Variants in RANBP2 observed in about 807,000 individuals in gnomAD.
RANBP2 encodes RAN binding protein 2, also known as E3 SUMO-protein ligase RanBP2.
Under a neutral mutation model 303.6 loss-of-function variants are expected in RANBP2, and 57 were observed. That is an observed-to-expected ratio of 0.19 (90% CI 0.15 to 0.23). RANBP2 has a LOEUF of 0.23. RANBP2 is among the 10% of genes least tolerant of loss of function. The probability of loss-of-function intolerance (pLI) is 1.00; values close to 1 mark genes in which losing one functional copy is unlikely to be tolerated. For missense variants in RANBP2, 3,138 were observed against 3,780.8 expected (o/e 0.83, Z 4.46); for synonymous variants, 1,167 against 1,301.5 (o/e 0.90, Z 2.23).
the RANBP2 span, among the ~76,000 whole-genome samples, chr2:109,451,561 G>T: frequency 6.6e-6 from 1 of 152,216 alleles, no homozygotes; most frequent in Non-Finnish European, 1.5e-5. Flanking sequence ...CTACACGGAG[G>T]ATGATGCTGT....
At chr2:109,572,272 T>G in the RANBP2 span, among the ~76,000 whole-genome samples, 1 of 152,076 alleles carries the variant, frequency 6.6e-6, no homozygotes, top group African/African-American at 2.4e-5. Context: ...CCGGGACTAC[T>G]GGCGCATGCC....
At chr2:108,905,596 C>T in the RANBP2 span, among the ~76,000 whole-genome samples, 1 of 152,128 alleles carries the variant, frequency 6.6e-6, no homozygotes, top group Non-Finnish European at 1.5e-5. Flanking sequence ...GGCTCCACTC[C>T]CGCTGCCCGG....
At chr2:109,226,334 C>T in the RANBP2 span, among the ~76,000 whole-genome samples, 2 of 152,244 alleles carry the variant, frequency 1.3e-5, no homozygotes, top group African/African-American at 4.8e-5. Context: ...CCAACTGTTT[C>T]AAAGCTAAAG....
the RANBP2 span, among the ~76,000 whole-genome samples, chr2:108,982,464 T>C: frequency 6.6e-6 from 1 of 152,228 alleles, no homozygotes; most frequent in Non-Finnish European, 1.5e-5. Flanking sequence ...AGTGTCTCAG[T>C]TCTGTTTATT....
At chr2:109,519,086 T>A in the RANBP2 span, among the ~76,000 whole-genome samples, 1 of 151,802 alleles carries the variant, frequency 6.6e-6, no homozygotes, top group Admixed American at 6.6e-5. Context: ...GCCTGGCTAA[T>A]TTTTGTATTT....
chr2:109,615,359 G>C, the RANBP2 span: 1 of 1,612,828 alleles, frequency 6.2e-7, no homozygotes, highest in East Asian at 2.2e-5. Flanking sequence ...TCACCTGCGA[G>C]CCCGGCCTGC....
the RANBP2 span, among the ~76,000 whole-genome samples, chr2:109,621,931 A>AAATAAATC: frequency 6.6e-6 from 1 of 151,782 alleles, no homozygotes; most frequent in African/African-American, 2.4e-5. Context: ...ATAAATAAAT[A>AAATAAATC]AATAAATAAA....
At chr2:109,039,995 T>G in the RANBP2 span, among the ~76,000 whole-genome samples, 1 of 152,208 alleles carries the variant, frequency 6.6e-6, no homozygotes, top group Non-Finnish European at 1.5e-5. Context: ...TTGTCAGTCT[T>G]TCCTTAAGTT....
the RANBP2 span, among the ~76,000 whole-genome samples, chr2:109,434,320 C>T: frequency 2.0e-5 from 3 of 152,248 alleles, no homozygotes; most frequent in African/African-American, 4.8e-5. Flanking sequence ...CAGGTTAGAG[C>T]AGCAGCTTCT....
At chr2:109,565,433 T>TC in the RANBP2 span, among the ~76,000 whole-genome samples, 216 of 152,328 alleles carry the variant, frequency 1.4e-3, no homozygotes, top group African/African-American at 4.6e-3. Context: ...TATAAATTTA[T>TC]AAGATGGTTG....
the RANBP2 span, among the ~76,000 whole-genome samples, chr2:108,955,827 C>A: frequency 6.6e-6 from 1 of 152,158 alleles, no homozygotes; most frequent in Non-Finnish European, 1.5e-5. Context: ...GAGATTGAGA[C>A]CATCCTGGCT....
At chr2:109,621,402 C>T in the RANBP2 span, among the ~76,000 whole-genome samples, 3 of 151,984 alleles carry the variant, frequency 2.0e-5, no homozygotes, top group African/African-American at 7.3e-5. Context: ...CTGCCCACCT[C>T]GGCTTCCTAA....
chr2:109,589,052 T>C, the RANBP2 span, among the ~76,000 whole-genome samples: 2 of 152,012 alleles, frequency 1.3e-5, no homozygotes, highest in Non-Finnish European at 2.9e-5. Flanking sequence ...CACCTCAGCC[T>C]CTGGAGTAGT....
At chr2:109,615,954 A>G in the RANBP2 span, 2 of 1,591,166 alleles carry the variant, frequency 1.3e-6, no homozygotes, top group Middle Eastern at 1.7e-4. Context: ...ACCCTCTTTC[A>G]GGGACCCAGA....
chr2:109,539,195 G>A, the RANBP2 span, among the ~76,000 whole-genome samples: 1 of 152,142 alleles, frequency 6.6e-6, no homozygotes, highest in Admixed American at 6.5e-5. Flanking sequence ...CTATTCGGAA[G>A]GCTGGGGCAG....
chr2:108,887,040 TTTTA>T, the RANBP2 span, among the ~76,000 whole-genome samples: 1 of 152,098 alleles, frequency 6.6e-6, no homozygotes, highest in Non-Finnish European at 1.5e-5. Context: ...TCTAATCTAT[TTTTA>T]GTTTATTTTT....
Position 108,766,849 on chromosome 2 carries a change from G to A in RANBP2, c.6310G>A (p.Ala2104Thr), listed in dbSNP as rs777680087. The A allele has an allele frequency of 6.2e-7, 1 of 1,611,806 alleles. No individual in the cohort carries two copies. The highest frequency in any genetic ancestry group is 8.5e-7 in the Non-Finnish European group (1 of 1,179,868). ...NLKPLSGSDRAWMWLASDFSD... is the reference protein window; with the variant it reads ...NLKPLSGSDRTWMWLASDFSD... The stretch of plus-strand genomic sequence containing the variant: ...GAAGCCTCTCTCTGGATCAGATAGA[G>A]CATGGATGTGGTTAGCCAGTGATTT... The change falls in exon 20 of 29, where the codon GCA (alanine) becomes ACA (threonine). Residue 2104 changes from alanine to threonine, a missense_variant. Physicochemically the swap from Ala to Thr is moderately conservative, Grantham distance 58. This residue lies in a region of RANBP2 where 103 missense variants were observed against 214.3 expected (regional missense o/e 0.48). Coordinates refer to ENST00000283195, the MANE Select transcript of RANBP2 (RefSeq NM_006267.5).
the RANBP2 span, among the ~76,000 whole-genome samples, chr2:109,166,473 A>AAAG: frequency 1.3e-5 from 2 of 150,578 alleles, no homozygotes; most frequent in African/African-American, 2.5e-5. Flanking sequence ...AAAAAAAAAA[A>AAAG]AGAAAGAAAG....
the RANBP2 span, chr2:109,449,164 C>T: frequency 6.2e-7 from 1 of 1,612,562 alleles, no homozygotes; most frequent in African/African-American, 1.3e-5. Flanking sequence ...CCAACCCCGT[C>T]TCCAGCTGCC....
Sources: allele counts gnomAD v4.1 joint callset (sites outside exome capture counted in the v4.1 genomes callset), GRCh38; gene constraint gnomAD v4.1.1; regional missense constraint gnomAD v4.1.1; transcripts MANE v1.5; gene names NCBI Gene and HGNC (gene_info 2026-07-23, HGNC 2026-07-21).